The following CPNE6 variants were observed in gnomAD, a reference collection of about 807,000 sequenced individuals.
CPNE6 encodes copine 6.
CPNE6 carries 33 observed loss-of-function variants against 71.5 expected under a neutral mutation model. That is an observed-to-expected ratio of 0.46 (90% CI 0.35 to 0.62). CPNE6 has a LOEUF of 0.62. Among genes scored for constraint, CPNE6 ranks in the 20% least tolerant of loss-of-function variants. The probability of loss-of-function intolerance (pLI) is 0.00; values close to 1 mark genes in which losing one functional copy is unlikely to be tolerated. For missense variants in CPNE6, 576 were observed against 747.3 expected, an observed-to-expected ratio of 0.77 and a Z score of 2.67; for synonymous variants, 296 against 293.0, an observed-to-expected ratio of 1.01 and a Z score of -0.10.
At position 24,077,891 on chromosome 14, in the gene CPNE6, C is replaced by T; in HGVS notation, c.*41C>T. ...TGACTCTCCCACCCCCTCCCAGGTG[C>T]CTGTCCTGACCCTCGTGACTCCAGT... On this transcript the variant is annotated 3_prime_UTR_variant, in exon 18 of 18. Transcript: ENST00000397016. The surrounding 1 kb of genome is among the most constrained non-coding windows in gnomAD (Gnocchi z 6.1). The T allele has an allele frequency of 7.0e-6, 5 of 718,534 alleles. No individual in the cohort carries two copies. The highest frequency in any genetic ancestry group is 1.0e-5 in the Non-Finnish European group (5 of 484,902). The allele number at this position is 718,534 out of a possible 1,614,324, so 44.5% of individuals were successfully genotyped here.
intron 1 of CPNE6, chr14:24,071,176 T>C: frequency 9.7e-7 from 1 of 1,035,980 alleles, no homozygotes; most frequent in Non-Finnish European, 1.4e-6. Context: ...GCTGTAACTG[T>C]CGTGGTGTCA....
Position 24,071,526 on chromosome 14 carries a change from G to GC in CPNE6, c.-119-1_-119insC. ...GCCCCCCCCCACCCCTCCCCATCCA[G>GC]GCCCCATAAATAGCAGCAGAGCCGG... On this transcript the variant is annotated splice_region_variant and 5_prime_UTR_variant. Coordinates refer to ENST00000397016, the Ensembl canonical transcript of CPNE6. 8.6e-6 allele frequency: 3 copies of GC among 347,742 alleles called. No individual in the cohort carries two copies. In the South Asian group the frequency reaches 1.1e-4, roughly 12 times the overall value. The allele number at this position is 347,742 out of a possible 1,614,324, so 21.5% of individuals were successfully genotyped here.
chr14:24,071,501 G>GGGGGCCCCCCCCC, intron 1 of CPNE6, 61 bp from the exon 1 acceptor site: 37 of 1,416,660 alleles, frequency 2.6e-5, no homozygotes, highest in Middle Eastern at 2.5e-4. Flanking sequence ...CTGGTGCTGC[G>GGGGGCCCCCCCCC]CCCCCCCCCA....
Position 24,075,651 on chromosome 14 carries a change from G to A in CPNE6, c.864+60G>A. 2 of 1,462,956 alleles carry A rather than the reference G, an allele frequency of 1.4e-6. No individual in the cohort carries two copies. Among genetic ancestry groups the A allele is most frequent in the Non-Finnish European group, 1.9e-6 (2 of 1,058,220 alleles). The allele number at this position is 1,462,956 out of a possible 1,614,324, so 90.6% of individuals were successfully genotyped here. On this transcript the variant is annotated intron_variant, in intron 10 of 17. Coordinates refer to ENST00000397016, the Ensembl canonical transcript of CPNE6. The surrounding 1 kb of genome is among the most constrained non-coding windows in gnomAD (Gnocchi z 4.3). ...GCCCCTGCCCCTACCACACTCTCAGGTTCAACCCTTCCCTTGTTTCAAAGA... is the reference window on the plus strand; with the variant it reads ...GCCCCTGCCCCTACCACACTCTCAGATTCAACCCTTCCCTTGTTTCAAAGA...
rs745443727 is a variant in CPNE6 at position 24,074,322 on chromosome 14, A to T, written c.455A>T (p.Asp152Val). 1 of 1,568,360 alleles carries T rather than the reference A, an allele frequency of 6.4e-7. No individual in the cohort carries two copies. The highest frequency in any genetic ancestry group is 8.7e-7 in the Non-Finnish European group (1 of 1,155,980). Residue 152 changes from aspartate to valine, a missense_variant, in exon 6 of 18, where the codon GAC becomes GTC. Asp to Val is a radical substitution (Grantham distance 152, BLOSUM62 -3). Coordinates refer to ENST00000397016, the Ensembl canonical transcript of CPNE6. The surrounding 1 kb of genome is among the most constrained non-coding windows in gnomAD (Gnocchi z 4.5). ...GCCGAGGAGGTATCAGGCACAAACG[A>T]CTATGTGCAACTCACCTTCAGAGCC...
chr14:24,073,670 T>C lies in CPNE6; in HGVS notation c.340T>C (p.Leu114=), dbSNP rs1301826906. The C allele has an allele frequency of 1.9e-6, 3 of 1,612,658 alleles. No homozygotes were observed. Among genetic ancestry groups the C allele is most frequent in the African/African-American group, 1.3e-5 (1 of 74,884 alleles). ...CTTCCTCGGCTCTACGGAGTGCACC[T>C]TGGGCCAGGTCTGCATTCCCGGCCT... The change falls in exon 4 of 18, where the codon TTG becomes CTG. Residue 114 remains leucine, a synonymous_variant. Transcript: ENST00000397016. The surrounding 1 kb of genome is among the most constrained non-coding windows in gnomAD (Gnocchi z 5.5).
At position 24,075,391 on chromosome 14, in the gene CPNE6, G is replaced by A; in HGVS notation, c.778-114G>A. The A allele has an allele frequency of 7.2e-7, 1 of 1,388,416 alleles. No homozygotes were observed. The highest frequency in any genetic ancestry group is 1.0e-6 in the Non-Finnish European group (1 of 979,402). 86.0% of individuals were successfully genotyped at this position (1,388,416 alleles called of 1,614,324 possible). The stretch of plus-strand genomic sequence containing the variant: ...AAGTGGAGAGGGTGGAAAGCACCTG[G>A]GCTCAGCTGAAGGACGGAACCATGG... On this transcript the variant is annotated intron_variant, in intron 9 of 17. Transcript: ENST00000397016. The surrounding 1 kb of genome is among the most constrained non-coding windows in gnomAD (Gnocchi z 4.3).
intron 1 of CPNE6, 61 bp from the exon 1 acceptor site, chr14:24,071,501 G>GCA: frequency 7.1e-7 from 1 of 1,416,704 alleles, no homozygotes; most frequent in Non-Finnish European, 9.3e-7. Flanking sequence ...CTGGTGCTGC[G>GCA]CCCCCCCCCA....
intron 11 of CPNE6, 116 bp from the exon 11 acceptor site, chr14:24,076,033 G>A: frequency 1.3e-6 from 2 of 1,512,528 alleles, no homozygotes; most frequent in East Asian, 4.5e-5. Flanking sequence ...TCATTATGTG[G>A]CTACCTGTAG....
At chr14:24,076,592 C>T (rs368834507) in intron 14 of CPNE6, 35 bp downstream of exon 13, 10 of 1,612,516 alleles carry the variant, frequency 6.2e-6, no homozygotes, top group Non-Finnish European at 8.5e-6. Flanking sequence ...CCCGCCTCCC[C>T]GCAGACACAC....
Position 24,077,106 on chromosome 14 carries a change from G to A in CPNE6, c.1300-48G>A, listed in dbSNP as rs184080131. 7.1e-5 allele frequency: 113 copies of A among 1,593,896 alleles called. No individual in the cohort carries two copies. Among genetic ancestry groups the A allele is most frequent in the Non-Finnish European group, 9.0e-5 (106 of 1,174,128 alleles). On this transcript the variant is annotated intron_variant, in intron 15 of 17. Transcript: ENST00000397016. The surrounding 1 kb of genome is among the most constrained non-coding windows in gnomAD (Gnocchi z 6.1). ...GCACCTTGGTGGAAACGGTGTCAACGCCCTTGCACACAAAGCCAACCCTTC... is the reference window on the plus strand; with the variant it reads ...GCACCTTGGTGGAAACGGTGTCAACACCCTTGCACACAAAGCCAACCCTTC...
At chr14:24,071,501 G>GCGGCCCCCCCCCCCC in intron 1 of CPNE6, 61 bp from the exon 1 acceptor site, 7 of 1,416,696 alleles carry the variant, frequency 4.9e-6, no homozygotes, top group Non-Finnish European at 6.5e-6. Context: ...CTGGTGCTGC[G>GCGGCCCCCCCCCCCC]CCCCCCCCCA....
rs767318982 is a variant in CPNE6, at chr14:24,077,343, G to T, written c.1489G>T (p.Ala497Ser). 2.5e-6 allele frequency: 4 copies of T among 1,613,826 alleles called. No individual in the cohort carries two copies. In the African/African-American group the frequency reaches 5.3e-5, roughly 22 times the overall value. Residue 497 changes from alanine to serine, a missense_variant, in exon 16 of 18, where the codon GCA becomes TCA. By Grantham distance (99) the Ala-to-Ser change is moderately conservative. Coordinates refer to ENST00000397016, the Ensembl canonical transcript of CPNE6. This position sits in a 1 kb window ranked among gnomAD's most constrained non-coding sequence, Gnocchi z 6.1. ...CTTGCGCTGCCCCCGAGGGGTGCCT[G>T]CAGCCCGAGACATTGTCCAGTTCGT...
intron 1 of CPNE6, 61 bp from the exon 1 acceptor site, chr14:24,071,501 G>GCCGCCCCCCCCCCCC: frequency 1.4e-6 from 2 of 1,416,702 alleles, no homozygotes; most frequent in Non-Finnish European, 1.9e-6. Flanking sequence ...CTGGTGCTGC[G>GCCGCCCCCCCCCCCC]CCCCCCCCCA....
chr14:24,076,977 C>A, exon 15 of CPNE6: 1 of 1,612,164 alleles, frequency 6.2e-7, no homozygotes, highest in Non-Finnish European at 8.5e-7. Context: ...TGTGGCTGAG[C>A]CGGCCCAGCG....
intron 1 of CPNE6, 148 bp from the exon 1 acceptor site, chr14:24,071,414 C>T (rs978292895): frequency 9.7e-5 from 141 of 1,459,848 alleles, no homozygotes; most frequent in Non-Finnish European, 1.1e-4. Context: ...CCTCCTCCCC[C>T]GGTTCTGTGG....
chr14:24,071,580 A>G (rs549396496), exon 2 of CPNE6: 12 of 1,369,222 alleles, frequency 8.8e-6, no homozygotes, highest in South Asian at 1.2e-5. Context: ...CGGCTGGAGC[A>G]GCAAGGGAGT....
chr14:24,077,986 C>G lies in CPNE6; in HGVS notation c.*136C>G, dbSNP rs1263863338. 1 of 405,434 alleles carries G rather than the reference C, an allele frequency of 2.5e-6. No individual in the cohort carries two copies. Among genetic ancestry groups the G allele is most frequent in the Admixed American group, 4.1e-5 (1 of 24,460 alleles). 25.1% of individuals were successfully genotyped at this position (405,434 alleles called of 1,614,324 possible). ...TGGACGTGAGTGGTGGGTCCTGCTC[C>G]TATCTCTCCAAACCCCATACCCTTC... On this transcript the variant is annotated 3_prime_UTR_variant, in exon 18 of 18. Coordinates refer to ENST00000397016, the Ensembl canonical transcript of CPNE6. The surrounding 1 kb of genome is among the most constrained non-coding windows in gnomAD (Gnocchi z 6.1).
chr14:24,076,490 C>G lies in CPNE6; in HGVS notation c.1114-16C>G, dbSNP rs371861222. The G allele has an allele frequency of 3.7e-6, 6 of 1,614,152 alleles. No homozygotes were observed. In the African/African-American group the frequency reaches 4.0e-5, roughly 11 times the overall value. ...AGAAAAGGCAGGCCCTCACTGCTCC[C>G]GCCTTGCCCTCACAGGTGTCCCATG... is the stretch of plus-strand genomic sequence containing the variant. On this transcript the variant is annotated splice_polypyrimidine_tract_variant and intron_variant, in intron 13 of 17. Transcript: ENST00000397016.
Sources: allele counts gnomAD v4.1 joint callset, GRCh38; gene constraint gnomAD v4.1.1; non-coding constraint Gnocchi (gnomAD v3.1); transcripts MANE v1.5; gene names NCBI Gene and HGNC (gene_info 2026-07-23, HGNC 2026-07-21).